The following SNX16 variants were observed in gnomAD, a reference collection of about 807,000 sequenced individuals.
SNX16 encodes the protein sorting nexin 16.
A neutral mutation model predicts 36.7 loss-of-function variants in SNX16; 35 were observed. The ratio of observed to expected loss-of-function variants is 0.95; its 90% CI spans 0.73 to 1.27. The LOEUF is 1.27. SNX16 is among the 50% of genes most tolerant of loss of function. The probability of loss-of-function intolerance (pLI) is 0.00; values close to 1 mark genes in which losing one functional copy is unlikely to be tolerated. For synonymous variants in SNX16, 134 were observed against 132.0 expected (o/e 1.02, Z -0.10); for missense variants, 367 against 393.6 (o/e 0.93, Z 0.57).
At chr8:81,815,642 C>T (rs1810448554) in intron 4 of SNX16, 2 of 324,620 alleles carry the variant, frequency 6.2e-6, no homozygotes, top group Non-Finnish European at 1.2e-5. Context: ...ACATACTTCA[C>T]AATAATGGTT....
chr8:81,831,671 G>A (rs1346733089), intron 2 of SNX16, among the ~76,000 whole-genome samples: 1 of 144,574 alleles, frequency 6.9e-6, no homozygotes, highest in East Asian at 2.0e-4. Context: ...GCACTCTAGC[G>A]AGTGACAGAG....
intron 5 of SNX16, among the ~76,000 whole-genome samples, chr8:81,808,978 G>A (rs1422650426): frequency 6.6e-6 from 1 of 151,250 alleles, no homozygotes; most frequent in Non-Finnish European, 1.5e-5. Context: ...CCAACGAAGG[G>A]TTTTAATGTA....
chr8:81,812,784 A>C (rs1293043333), intron 5 of SNX16, among the ~76,000 whole-genome samples: 1 of 152,106 alleles, frequency 6.6e-6, no homozygotes, highest in African/African-American at 2.4e-5. Flanking sequence ...AGTTCTTTAG[A>C]GCACAAAAGA....
intron 4 of SNX16, among the ~76,000 whole-genome samples, chr8:81,816,183 T>TTTTTC (rs1290466075): frequency 6.8e-6 from 1 of 146,752 alleles, no homozygotes; most frequent in Non-Finnish European, 1.5e-5. Context: ...AGGATTTTCT[T>TTTTTC]TTTTTTTTTT....
Position 81,839,657 on chromosome 8 carries a change from AGGTGTAGAT to A in SNX16, c.321_329del (p.Ser108_Pro110del). 1 of 1,613,804 alleles carries A rather than the reference AGGTGTAGAT, an allele frequency of 6.2e-7. No individual in the cohort carries two copies. The highest frequency in any genetic ancestry group is 8.5e-7 in the Non-Finnish European group (1 of 1,179,780). ...CCATCACTTCATAACCCAGTATAGT[AGGTGTAGAT>A]GGTCTATCTTCCCAATTCACTGTTT... On this transcript the variant is annotated inframe_deletion, in exon 2 of 8. Transcript: ENST00000345957.
At position 81,839,584 on chromosome 8, in the gene SNX16, G is replaced by C. The variant is rs756247873; in HGVS notation, c.375+28C>G. Reference sequence around the variant, plus strand: ...AGATTAGCCAATCTTTCACTTTGTAGTGTTATACAGCAGAAGTCAATACTT... The same window carrying C: ...AGATTAGCCAATCTTTCACTTTGTACTGTTATACAGCAGAAGTCAATACTT... On this transcript the variant is annotated intron_variant, in intron 2 of 7. Coordinates refer to ENST00000345957, the MANE Select transcript of SNX16 (RefSeq NM_152836.3). 2.5e-5 allele frequency: 39 copies of C among 1,572,752 alleles called. No individual in the cohort carries two copies. The Admixed American group carries it at 7.0e-4, about 28-fold the overall frequency.
In SNX16 at chr8:81,801,338, T is replaced by C. The variant is rs1809676589; in HGVS notation, c.*159A>G. 1 of 418,770 alleles carries C rather than the reference T, an allele frequency of 2.4e-6. No homozygotes were observed. The highest frequency in any genetic ancestry group is 4.2e-6 in the Non-Finnish European group (1 of 236,548). The allele number at this position is 418,770 out of a possible 1,614,324, so 25.9% of individuals were successfully genotyped here. ...AAAGCAGCAGTGAATATATTTCCTA[T>C]CTCAATAACTTAAAAAAACTTCTTT... On this transcript the variant is annotated 3_prime_UTR_variant, in exon 8 of 8. Coordinates refer to ENST00000345957, the MANE Select transcript of SNX16 (RefSeq NM_152836.3).
chr8:81,830,579 TA>T (rs752827905), intron 2 of SNX16, among the ~76,000 whole-genome samples: 41,312 of 90,460 alleles, frequency 0.46, 7,338 homozygotes, highest in East Asian at 0.76. Flanking sequence ...GTCTAGGGGG[TA>T]AAAAAAAAAA....
chr8:81,808,848 AAAG>A, intron 5 of SNX16: 1 of 686,784 alleles, frequency 1.5e-6, no homozygotes, highest in South Asian at 1.5e-5. Context: ...TAGCTGCTAC[AAAG>A]AAGACATGTT....
chr8:81,802,772 G>T (rs1394584276), intron 6 of SNX16, among the ~76,000 whole-genome samples: 2 of 151,708 alleles, frequency 1.3e-5, no homozygotes, highest in Non-Finnish European at 3.0e-5. Flanking sequence ...AAACTAAGAT[G>T]TCACTTAAAT....
At position 81,842,130 on chromosome 8, in the gene SNX16, C is replaced by A. The variant is rs4316108; in HGVS notation, c.-105G>T. 88,774 of 149,578 alleles carry A rather than the reference C, an allele frequency of 0.59. 27,081 individuals carry two copies. The highest frequency in any genetic ancestry group is 0.98 in the East Asian group (4,775 of 4,878). The allele number at this position is 149,578 out of a possible 1,614,324, so 9.3% of individuals were successfully genotyped here. On this transcript the variant is annotated 5_prime_UTR_variant, in exon 1 of 8. Coordinates refer to ENST00000345957, the MANE Select transcript of SNX16 (RefSeq NM_152836.3). ...AATGACCCAGTCTTTACCTCAGCCC[C>A]CTCGGCGATCCCGAACGAGCGCGCT...
At chr8:81,820,231 AT>A (rs66690099) in intron 4 of SNX16, among the ~76,000 whole-genome samples, 61,179 of 151,128 alleles carry the variant, frequency 0.4, 13,057 homozygotes, top group African/African-American at 0.49. Context: ...CTTAGGAGGG[AT>A]TTCCCCCCCT....
chr8:81,818,152 C>A (rs1302696801), intron 4 of SNX16, among the ~76,000 whole-genome samples: 3 of 152,020 alleles, frequency 2.0e-5, no homozygotes, highest in Non-Finnish European at 4.4e-5. Flanking sequence ...AATTTTATAA[C>A]TATCTGTAAT....
At chr8:81,839,447 C>T (rs1486859510) in intron 2 of SNX16, among the ~76,000 whole-genome samples, 165 bp downstream of exon 2, 2 of 152,038 alleles carry the variant, frequency 1.3e-5, no homozygotes, top group African/African-American at 4.8e-5. Flanking sequence ...TAAGGTAAAG[C>T]AAAAGTTTAC....
chr8:81,801,956 G>A (rs1037028346), intron 7 of SNX16, among the ~76,000 whole-genome samples: 8 of 151,596 alleles, frequency 5.3e-5, no homozygotes, highest in African/African-American at 1.9e-4. Flanking sequence ...AAAATTCTAT[G>A]TGCTTTTAAA....
intron 4 of SNX16, among the ~76,000 whole-genome samples, chr8:81,823,087 G>C (rs1318152946): frequency 6.6e-6 from 1 of 150,974 alleles, no homozygotes; most frequent in African/African-American, 2.4e-5. Flanking sequence ...AGATAGAATG[G>C]TTTTCTTAAT....
At chr8:81,823,741 C>T (rs533494968) in intron 4 of SNX16, 51 bp downstream of exon 4, 37 of 1,459,672 alleles carry the variant, frequency 2.5e-5, no homozygotes, top group Middle Eastern at 2.4e-4. Flanking sequence ...CTTTAATTTA[C>T]GCCAGTTATT....
chr8:81,802,639 G>A lies in SNX16; in HGVS notation c.819-140C>T, dbSNP rs1809756366. The A allele has an allele frequency of 1.1e-5, 6 of 561,786 alleles. No homozygotes were observed. In the Admixed American group the frequency reaches 1.6e-4, roughly 15 times the overall value. The allele number at this position is 561,786 out of a possible 1,614,324, so 34.8% of individuals were successfully genotyped here. Reference sequence around the variant, plus strand: ...CATAGCTAATAAATAGCTCACTTTGGAAGTCAACAGAGAAAATCAGTAGCT... The same window carrying A: ...CATAGCTAATAAATAGCTCACTTTGAAAGTCAACAGAGAAAATCAGTAGCT... On this transcript the variant is annotated intron_variant, in intron 6 of 7. Transcript: ENST00000345957.
intron 2 of SNX16, among the ~76,000 whole-genome samples, chr8:81,837,158 G>A (rs1013130495): frequency 6.6e-6 from 1 of 152,168 alleles, no homozygotes; most frequent in Non-Finnish European, 1.5e-5. Flanking sequence ...TTATCACCAT[G>A]TGACATATCA....
Sources: allele counts gnomAD v4.1 joint callset (sites outside exome capture counted in the v4.1 genomes callset), GRCh38; gene constraint gnomAD v4.1.1; transcripts MANE v1.5; gene names NCBI Gene and HGNC (gene_info 2026-07-23, HGNC 2026-07-21).